COQ3: variants seen among roughly 807,000 people sequenced by gnomAD.
COQ3 encodes the protein ubiquinone biosynthesis O-methyltransferase, mitochondrial.
Under a neutral mutation model 33.1 loss-of-function variants are expected in COQ3, and 29 were observed. That is an observed-to-expected ratio of 0.88 (90% confidence interval 0.65 to 1.19). COQ3 has a LOEUF of 1.19. Among genes scored for constraint, COQ3 ranks in the 50% most tolerant of loss-of-function variants. COQ3 has a pLI of 0.00. For synonymous variants in COQ3, 173 were observed against 157.8 expected (o/e 1.10, Z -0.72); for missense variants, 437 against 430.7 (o/e 1.01, Z -0.13).
At chr6:99,388,468 T>C (rs899624403) in intron 1 of COQ3, among the ~76,000 whole-genome samples, 2 of 150,268 alleles carry the variant, frequency 1.3e-5, no homozygotes, top group African/African-American at 4.9e-5. Context: ...CAAATTGTCC[T>C]ACACATTTAA....
chr6:99,386,394 C>G (rs1191436095), intron 1 of COQ3, among the ~76,000 whole-genome samples: 1 of 152,148 alleles, frequency 6.6e-6, no homozygotes. Flanking sequence ...GGCTCCTCTG[C>G]ACTCCAGCCT....
At chr6:99,383,050 T>C (rs1039504677) in intron 2 of COQ3, 1 of 152,236 alleles carries the variant, frequency 6.6e-6, no homozygotes, top group Non-Finnish European at 1.5e-5. Flanking sequence ...GGAGAATCGC[T>C]TGAACCCGGG....
Position 99,369,596 on chromosome 6 carries a change from C to G in COQ3, c.*4G>C. On this transcript the variant is annotated 3_prime_UTR_variant, in exon 7 of 7. Coordinates refer to ENST00000254759, the MANE Select transcript of COQ3 (RefSeq NM_017421.4). ...GCCATATTACTATAGTTCTCAGAAA[C>G]AATTCATTTCTTCAGCTTTTCATGC... 1 of 1,602,292 alleles carries G rather than the reference C, an allele frequency of 6.2e-7. No individual in the cohort carries two copies. The highest frequency in any genetic ancestry group is 8.5e-7 in the Non-Finnish European group (1 of 1,169,938).
At chr6:99,386,168 A>G (rs1774649421) in intron 1 of COQ3, among the ~76,000 whole-genome samples, 1 of 152,018 alleles carries the variant, frequency 6.6e-6, no homozygotes, top group Non-Finnish European at 1.5e-5. Flanking sequence ...GGGGGCTCAC[A>G]TCTGTAAACC....
intron 3 of COQ3, 29 bp downstream of exon 3, chr6:99,380,159 TA>T (rs1483309956): frequency 6.3e-7 from 1 of 1,581,804 alleles, no homozygotes. Context: ...AAGTTCCATT[TA>T]AAAAGACTTA....
chr6:99,392,174 T>C (rs1213334971), intron 1 of COQ3, among the ~76,000 whole-genome samples: 5 of 152,188 alleles, frequency 3.3e-5, no homozygotes, highest in African/African-American at 1.2e-4. Flanking sequence ...AAAAGGTTTT[T>C]TTCATTTTAT....
In COQ3 at chr6:99,383,756, T is replaced by G; in HGVS notation, c.175A>C (p.Ile59Leu). ...ATCGTCCTGTAGGATTTGAACCATA[T>G]GGTTCTGTATTCATTGAAAACCCCT... is the stretch of plus-strand genomic sequence containing the variant. The part of the protein sequence containing the change: ...KPGVFNEYRT[I>L]WFKSYRTIFS... Residue 59 changes from isoleucine to leucine, a missense_variant, in exon 2 of 7, where the codon ATA (isoleucine) becomes CTA (leucine). Transcript: ENST00000254759. 1.2e-6 allele frequency: 2 copies of G among 1,604,088 alleles called. No homozygotes were observed. The highest frequency in any genetic ancestry group is 1.7e-6 in the Non-Finnish European group (2 of 1,175,644).
At chr6:99,372,968 G>T (rs546803646) in intron 5 of COQ3, among the ~76,000 whole-genome samples, 1 of 152,230 alleles carries the variant, frequency 6.6e-6, no homozygotes, top group South Asian at 2.1e-4. Context: ...AAAGACAAGA[G>T]AGGGCCCTGA....
intron 1 of COQ3, among the ~76,000 whole-genome samples, chr6:99,387,924 G>T (rs1774699897): frequency 6.6e-6 from 1 of 152,160 alleles, no homozygotes; most frequent in South Asian, 2.1e-4. Context: ...CAGCACTTTG[G>T]GAGGCCGAGG....
At chr6:99,386,397 T>C (rs1251977493) in intron 1 of COQ3, among the ~76,000 whole-genome samples, 1 of 152,066 alleles carries the variant, frequency 6.6e-6, no homozygotes, top group African/African-American at 2.4e-5. Flanking sequence ...TCCTCTGCAC[T>C]CCAGCCTGGG....
At position 99,392,433 on chromosome 6, in the gene COQ3, G is replaced by A. The variant is rs371032060; in HGVS notation, c.106+1641C>T. Among the ~76,000 whole-genome samples, 30 of 152,188 alleles carry A rather than the reference G, an allele frequency of 2.0e-4. 1 individual carries two copies. In the South Asian group the frequency reaches 5.2e-3, roughly 26 times the overall value. ...TTCTTCAGTGATTTCCACTGTCCGC[G>A]GGATAGTCTACCTCAGGAGGTGTAA... On this transcript the variant is annotated intron_variant, in intron 1 of 6. Transcript: ENST00000254759.
At chr6:99,391,250 C>T (rs1020006265) in intron 1 of COQ3, among the ~76,000 whole-genome samples, 1 of 151,658 alleles carries the variant, frequency 6.6e-6, no homozygotes, top group African/African-American at 2.4e-5. Flanking sequence ...AGAAGCACAC[C>T]ACCATGCCTG....
rs1001089271 is a variant in COQ3 at position 99,369,634 on chromosome 6, G to C, written c.1076C>G (p.Thr359Ser). ...ETEELQANAC[T>S]NPAVHEKLKK is the part of the protein sequence containing the mutation. ...CAGCTTTTCATGCACAGCTGGATTGGTGCAGGCATTAGCTTGGAGCTCTTC... is the reference window on the plus strand; with the variant it reads ...CAGCTTTTCATGCACAGCTGGATTGCTGCAGGCATTAGCTTGGAGCTCTTC... The change falls in exon 7 of 7, where the codon ACC becomes AGC. Residue 359 changes from threonine (T) to serine (S), a missense_variant. Thr to Ser is a moderately conservative substitution (Grantham distance 58). Transcript: ENST00000254759. The C allele has an allele frequency of 6.2e-7, 1 of 1,614,012 alleles. No individual in the cohort carries two copies.
intron 3 of COQ3, among the ~76,000 whole-genome samples, chr6:99,378,023 G>T (rs996893952): frequency 1.3e-5 from 2 of 148,168 alleles, no homozygotes; most frequent in Admixed American, 6.8e-5. Context: ...GATAATCACG[G>T]TTAATACTTT....
chr6:99,389,840 G>A (rs1774771565), intron 1 of COQ3, among the ~76,000 whole-genome samples: 1 of 152,202 alleles, frequency 6.6e-6, no homozygotes, highest in Non-Finnish European at 1.5e-5. Flanking sequence ...AGGGCCGGGT[G>A]TGGTGGCTCA....
In COQ3 at chr6:99,369,403, T is replaced by A; in HGVS notation, c.*197A>T. 1 of 566,162 alleles carries A rather than the reference T, an allele frequency of 1.8e-6. No individual in the cohort carries two copies. The highest frequency in any genetic ancestry group is 2.3e-5 in the South Asian group (1 of 44,214). 35.1% of individuals were successfully genotyped at this position (566,162 alleles called of 1,614,324 possible). A position where few individuals can be genotyped will look rare whatever the true frequency, so the allele number is the denominator to read the frequency against. ...ACTTACACTCCTAGATCACGCAATA[T>A]CTTGACAAAACTTTTTATTCACAGA... On this transcript the variant is annotated 3_prime_UTR_variant, in exon 7 of 7. Transcript: ENST00000254759.
intron 5 of COQ3, 86 bp downstream of exon 5, chr6:99,375,854 A>G (rs927361596): frequency 1.1e-5 from 16 of 1,407,554 alleles, no homozygotes; most frequent in African/African-American, 4.2e-5. Context: ...CTGGACTGCT[A>G]ATGCATTATG....
At chr6:99,381,800 C>T (rs1003995146) in intron 2 of COQ3, among the ~76,000 whole-genome samples, 1 of 151,882 alleles carries the variant, frequency 6.6e-6, no homozygotes, top group African/African-American at 2.4e-5. Flanking sequence ...GTGGCAGGTG[C>T]CTATAATCTC....
At chr6:99,370,814 A>G (rs1047483677) in intron 6 of COQ3, among the ~76,000 whole-genome samples, 1 of 152,224 alleles carries the variant, frequency 6.6e-6, no homozygotes, top group Non-Finnish European at 1.5e-5. Context: ...CCGAATGCCA[A>G]ATAAATGAAC....
Sources: allele counts gnomAD v4.1 joint callset (sites outside exome capture counted in the v4.1 genomes callset), GRCh38; gene constraint gnomAD v4.1.1; transcripts MANE v1.5; gene names NCBI Gene and HGNC (gene_info 2026-07-23, HGNC 2026-07-21).